The following LRP1 variants were observed in gnomAD, a reference collection of about 807,000 sequenced individuals.
LRP1 encodes the protein LDL receptor related protein 1.
In LRP1, 51 loss-of-function variants were observed where a neutral mutation model predicts 541.5. The ratio of observed to expected loss-of-function variants is 0.09; its 90% CI spans 0.08 to 0.12. LRP1 has a LOEUF of 0.12. Ranked by LOEUF, LRP1 falls within the 10% of genes least tolerant of loss-of-function variation. The probability of loss-of-function intolerance (pLI) is 1.00; values close to 1 mark genes in which losing one functional copy is unlikely to be tolerated. For synonymous variants in LRP1, 2,219 were observed against 2,470.8 expected (o/e 0.90, Z 3.02); for missense variants, 3,878 against 6,376.2 (o/e 0.61, Z 13.34).
chr12:57,199,437 G>C, intron 61 of LRP1, 37 bp downstream of exon 61: 1 of 1,591,100 alleles, frequency 6.3e-7, no homozygotes. Context: ...CGAACGGTGA[G>C]CCAGGCACCG....
Position 57,166,945 on chromosome 12 carries a change from C to T in LRP1, c.2813C>T (p.Pro938Leu), listed in dbSNP as rs574238888. 1.2e-6 allele frequency: 2 copies of T among 1,613,574 alleles called. No homozygotes were observed. Among genetic ancestry groups the T allele is most frequent in the South Asian group, 2.2e-5 (2 of 91,064 alleles). The stretch of plus-strand genomic sequence containing the variant: ...TGCCCCCCAGCCCGCACCTGCCCCC[C>T]CAACCAGTTCTCCTGTGCCAGTGGC... ...NATCSARTCP[P>L]NQFSCASGRC... Residue 938 changes from proline to leucine, a missense_variant, in exon 18 of 89, where the codon CCC becomes CTC. Transcript: ENST00000243077.
intron 42 of LRP1, among the ~76,000 whole-genome samples, 184 bp from the exon 43 acceptor site, chr12:57,190,621 G>A (rs1246009373): frequency 2.6e-5 from 4 of 152,248 alleles, no homozygotes; most frequent in Non-Finnish European, 4.4e-5. Flanking sequence ...GCCACCTCGT[G>A]TGTGAACTGT....
chr12:57,153,863 G>A (rs1301226542), intron 6 of LRP1, among the ~76,000 whole-genome samples: 2 of 151,748 alleles, frequency 1.3e-5, no homozygotes, highest in Non-Finnish European at 2.9e-5. Flanking sequence ...GCAAAGATGT[G>A]TAATGTTTTG....
At chr12:57,192,813 T>C (rs2036442516) in intron 44 of LRP1, 32 bp from the exon 45 acceptor site, 1 of 1,613,644 alleles carries the variant, frequency 6.2e-7, no homozygotes, top group South Asian at 1.1e-5. Context: ...GAGAACACTC[T>C]CCAGCCCTGC....
rs1479800270 is a variant in LRP1 at position 57,212,389 on chromosome 12, T to C, written c.13495-26T>C. On this transcript the variant is annotated intron_variant, in intron 88 of 88. Transcript: ENST00000243077. This position sits in a 1 kb window ranked among gnomAD's most constrained non-coding sequence, Gnocchi z 5.0. Reference sequence around the variant, plus strand: ...GGCTACAGGCCCAGCTCCTGAGCCCTACCTGAACCCTCTGTCACCCTGCAG... The same window carrying C: ...GGCTACAGGCCCAGCTCCTGAGCCCCACCTGAACCCTCTGTCACCCTGCAG... 1.9e-6 allele frequency: 3 copies of C among 1,613,840 alleles called. No individual in the cohort carries two copies. Among genetic ancestry groups the C allele is most frequent in the Non-Finnish European group, 1.7e-6 (2 of 1,179,976 alleles).
intron 12 of LRP1, 27 bp from the exon 13 acceptor site, chr12:57,160,866 G>T: frequency 6.3e-7 from 1 of 1,591,470 alleles, no homozygotes; most frequent in South Asian, 1.1e-5. Flanking sequence ...GGGTGCCCAG[G>T]TGATGCTGAC....
Position 57,183,547 on chromosome 12 carries a change from G to A in LRP1, c.5794+37G>A, listed in dbSNP as rs1039952946. On this transcript the variant is annotated intron_variant, in intron 35 of 88. Coordinates refer to ENST00000243077, the MANE Select transcript of LRP1 (RefSeq NM_002332.3). This position sits in a 1 kb window ranked among gnomAD's most constrained non-coding sequence, Gnocchi z 6.1. ...GGTGGCAGAGGGAGTTGGGCGTGGC[G>A]TAGGAGCTTTAGGGGTGGTGTGGTG... 10 of 1,598,748 alleles carry A rather than the reference G, an allele frequency of 6.3e-6. No individual in the cohort carries two copies. The highest frequency in any genetic ancestry group is 2.2e-5 in the South Asian group (2 of 89,566).
chr12:57,190,725 G>A, intron 42 of LRP1, 80 bp from the exon 43 acceptor site: 3 of 1,345,446 alleles, frequency 2.2e-6, no homozygotes, highest in Non-Finnish European at 3.1e-6. Context: ...CAGGTTCCAG[G>A]TGCCTACGCG....
intron 51 of LRP1, 23 bp from the exon 52 acceptor site, chr12:57,195,248 A>T (rs766654046): frequency 6.2e-7 from 1 of 1,610,996 alleles, no homozygotes; most frequent in African/African-American, 1.3e-5. Flanking sequence ...TAAGTCTCTC[A>T]GTGGCCCTCT....
At position 57,184,587 on chromosome 12, in the gene LRP1, A is replaced by C. The variant is rs1251402120; in HGVS notation, c.6186+135A>C. The C allele has an allele frequency of 7.7e-7, 1 of 1,302,208 alleles. No homozygotes were observed. Among genetic ancestry groups the C allele is most frequent in the East Asian group, 2.5e-5 (1 of 39,744 alleles). 80.7% of individuals were successfully genotyped at this position (1,302,208 alleles called of 1,614,324 possible). On this transcript the variant is annotated intron_variant, in intron 38 of 88. Coordinates refer to ENST00000243077, the MANE Select transcript of LRP1 (RefSeq NM_002332.3). This position sits in a 1 kb window ranked among gnomAD's most constrained non-coding sequence, Gnocchi z 7.8. ...GGTCTCCCAGCCCAGCCCTCCACCC[A>C]GAGTAGGACTCCTGCTACCACAGAG...
At position 57,158,733 on chromosome 12, in the gene LRP1, C is replaced by T. The variant is rs768927897; in HGVS notation, c.1798+95C>T. The T allele has an allele frequency of 8.0e-6, 9 of 1,125,986 alleles. No homozygotes were observed. Among genetic ancestry groups the T allele is most frequent in the Non-Finnish European group, 1.2e-5 (9 of 764,028 alleles). 69.7% of individuals were successfully genotyped at this position (1,125,986 alleles called of 1,614,324 possible). A position where few individuals can be genotyped will look rare whatever the true frequency, so the allele number is the denominator to read the frequency against. ...GCCCTCTCAGCAGGATGGTCCCCTG[C>T]TGACTGGCTGGCTGCACTGGTTGGC... is the stretch of plus-strand genomic sequence containing the variant. On this transcript the variant is annotated intron_variant, in intron 11 of 88. Coordinates refer to ENST00000243077, the MANE Select transcript of LRP1 (RefSeq NM_002332.3). The surrounding 1 kb of genome is among the most constrained non-coding windows in gnomAD (Gnocchi z 5.3).
chr12:57,184,490 C>A lies in LRP1; in HGVS notation c.6186+38C>A, dbSNP rs768647403. 1 of 1,612,974 alleles carries A rather than the reference C, an allele frequency of 6.2e-7. No individual in the cohort carries two copies. The highest frequency in any genetic ancestry group is 2.2e-5 in the East Asian group (1 of 44,870). ...ACTTGGCCTTGGATCCGATGGTAGA[C>A]CCCTGACCCAGGCTCCTGTTCCCTG... is the stretch of plus-strand genomic sequence containing the variant. On this transcript the variant is annotated intron_variant, in intron 38 of 88. Transcript: ENST00000243077. The surrounding 1 kb of genome is among the most constrained non-coding windows in gnomAD (Gnocchi z 7.8).
In LRP1 at chr12:57,203,404, C is replaced by T. The variant is rs1439821317; in HGVS notation, c.10834C>T (p.Arg3612Cys). 4 of 1,608,210 alleles carry T rather than the reference C, an allele frequency of 2.5e-6. No homozygotes were observed. The highest frequency in any genetic ancestry group is 1.3e-5 in the African/African-American group (1 of 74,844). The change falls in exon 70 of 89, where the codon CGC (arginine) becomes TGC (cysteine). Residue 3612 changes from arginine to cysteine, a missense_variant. Arg to Cys is a radical substitution (Grantham distance 180). Around this residue, in one of 13 missense-constraint regions of LRP1, gnomAD observed 278 missense variants for 536.3 expected, o/e 0.52. Transcript: ENST00000243077. The part of the protein sequence containing the change: ...DGSDEKDCTP[R>C]CDMDQFQCKS... ...ATGCCCACAGAAAGACTGCACCCCC[C>T]GCTGTGACATGGACCAGTTCCAGTG...
Position 57,129,043 on chromosome 12 carries a change from T to A in LRP1, c.67+12T>A. On this transcript the variant is annotated intron_variant, in intron 1 of 88. Coordinates refer to ENST00000243077, the MANE Select transcript of LRP1 (RefSeq NM_002332.3). The stretch of plus-strand genomic sequence containing the variant: ...GGCGGCTATCGACGGTGAGTGAGAT[T>A]CCGCGTCCCCCTTGGACCCCTGGGG... The A allele has an allele frequency of 6.4e-7, 1 of 1,551,348 alleles. No homozygotes were observed. Among genetic ancestry groups the A allele is most frequent in the Non-Finnish European group, 8.7e-7 (1 of 1,146,848 alleles).
At position 57,206,431 on chromosome 12, in the gene LRP1, C is replaced by T. The variant is rs748855742; in HGVS notation, c.11591-42C>T. On this transcript the variant is annotated intron_variant, in intron 75 of 88. Transcript: ENST00000243077. The surrounding 1 kb of genome is among the most constrained non-coding windows in gnomAD (Gnocchi z 4.7). ...GGAGCTGAGCTGGGTGGGGTGCACA[C>T]CTGCATCCCACAGCCCCAGCCCTGG... 1 of 1,598,948 alleles carries T rather than the reference C, an allele frequency of 6.3e-7. No homozygotes were observed. The highest frequency in any genetic ancestry group is 2.2e-5 in the East Asian group (1 of 44,740).
chr12:57,185,312 C>A lies in LRP1; in HGVS notation c.6463+107C>A. 16 of 1,485,042 alleles carry A rather than the reference C, an allele frequency of 1.1e-5. No homozygotes were observed. Among genetic ancestry groups the A allele is most frequent in the Non-Finnish European group, 1.5e-5 (16 of 1,092,882 alleles). 92.0% of individuals were successfully genotyped at this position (1,485,042 alleles called of 1,614,324 possible). A position where few individuals can be genotyped will look rare whatever the true frequency, so the allele number is the denominator to read the frequency against. On this transcript the variant is annotated intron_variant, in intron 40 of 88. Coordinates refer to ENST00000243077, the MANE Select transcript of LRP1 (RefSeq NM_002332.3). The surrounding 1 kb of genome is among the most constrained non-coding windows in gnomAD (Gnocchi z 4.9). The stretch of plus-strand genomic sequence containing the variant: ...AGAGGGCTGGGAGACAAGTTAGACC[C>A]ATGGGGCAACTTCCGATGGCCCGAG...
In LRP1 at chr12:57,203,015, A is replaced by C. The variant is rs1565752600; in HGVS notation, c.10712-166A>C. 4.8e-5 allele frequency: 29 copies of C among 599,534 alleles called. No individual in the cohort carries two copies. The East Asian group carries it at 8.1e-4, about 17-fold the overall frequency. The allele number at this position is 599,534 out of a possible 1,614,324, so 37.1% of individuals were successfully genotyped here. On this transcript the variant is annotated intron_variant, in intron 68 of 88. Transcript: ENST00000243077. ...GAGCCCGCCTGTGCCCAGCTGTTCCATAGGAGCAGCCAGTGGGCTCTGCCA... is the reference window on the plus strand; with the variant it reads ...GAGCCCGCCTGTGCCCAGCTGTTCCCTAGGAGCAGCCAGTGGGCTCTGCCA...
chr12:57,177,994 GC>G lies in LRP1; in HGVS notation c.4362-364del, dbSNP rs2136701476. Among the ~76,000 whole-genome samples, 1 of 149,176 alleles carries G rather than the reference GC, an allele frequency of 6.7e-6. No individual in the cohort carries two copies. Among genetic ancestry groups the G allele is most frequent in the East Asian group, 2.0e-4 (1 of 5,064 alleles). ...GACAGAGTCTCGCTCCGTCGCCCAG[GC>G]TGGAGTGCAGTGGCGCGATCTCGGC... On this transcript the variant is annotated intron_variant, in intron 26 of 88. Transcript: ENST00000243077. This position sits in a 1 kb window ranked among gnomAD's most constrained non-coding sequence, Gnocchi z 6.8.
At chr12:57,182,121 C>A (rs574447954) in intron 34 of LRP1, among the ~76,000 whole-genome samples, 2 of 152,148 alleles carry the variant, frequency 1.3e-5, no homozygotes, top group South Asian at 4.1e-4. Context: ...TCTGAGCAAC[C>A]AGGGACCATG....
Sources: allele counts gnomAD v4.1 joint callset (sites outside exome capture counted in the v4.1 genomes callset), GRCh38; gene constraint gnomAD v4.1.1; regional missense constraint gnomAD v4.1.1; non-coding constraint Gnocchi (gnomAD v3.1); transcripts MANE v1.5; gene names NCBI Gene and HGNC (gene_info 2026-07-23, HGNC 2026-07-21).